The following NRXN1 variants were observed in gnomAD, a reference collection of about 807,000 sequenced individuals.
The protein encoded by NRXN1 is neurexin-1.
In NRXN1, 39 loss-of-function variants were observed where a neutral mutation model predicts 150.9. The observed-to-expected ratio is 0.26, with a 90% CI of 0.20 to 0.34. The LOEUF (loss-of-function observed/expected upper bound fraction) is 0.34, where lower values mean the gene tolerates loss of function less well. Among genes scored for constraint, NRXN1 ranks in the 10% least tolerant of loss-of-function variants. NRXN1 has a pLI of 1.00. For missense variants in NRXN1, 1,815 were observed against 1,949.9 expected (o/e 0.93, Z 1.30); for synonymous variants, 924 against 757.0 (o/e 1.22, Z -3.62).
intron 17 of NRXN1, among the ~76,000 whole-genome samples, chr2:50,280,906 TA>T: frequency 6.6e-6 from 1 of 152,144 alleles, no homozygotes; most frequent in East Asian, 1.9e-4. Context: ...TGGAGATTTG[TA>T]ATTTATTTTG....
At chr2:50,829,516 T>G in intron 5 of NRXN1, 1 of 1,606,250 alleles carries the variant, frequency 6.2e-7, no homozygotes. Flanking sequence ...AACAGCACAG[T>G]GGCAAGTGCG....
intron 5 of NRXN1, among the ~76,000 whole-genome samples, chr2:50,693,688 A>G (rs1282019090): frequency 6.6e-6 from 1 of 152,198 alleles, no homozygotes; most frequent in Non-Finnish European, 1.5e-5. Flanking sequence ...ACTAGGACCT[A>G]ATATCTATAT....
intron 5 of NRXN1, among the ~76,000 whole-genome samples, chr2:50,635,820 T>C (rs562292780): frequency 6.6e-6 from 1 of 152,266 alleles, no homozygotes; most frequent in South Asian, 2.1e-4. Flanking sequence ...TTCGGTCCTG[T>C]AGTAAATGCT....
chr2:50,555,583 C>T (rs369255249), intron 8 of NRXN1, among the ~76,000 whole-genome samples: 15 of 152,134 alleles, frequency 9.9e-5, no homozygotes, highest in East Asian at 1.9e-4. Flanking sequence ...CTCACCACAG[C>T]GCAGCACCAA....
intron 13 of NRXN1, among the ~76,000 whole-genome samples, chr2:50,502,455 C>T (rs1006864472): frequency 3.3e-5 from 5 of 151,720 alleles, no homozygotes; most frequent in South Asian, 2.1e-4. Flanking sequence ...CACACACACA[C>T]GCATACCCAC....
At chr2:50,736,140 T>C (rs923373806) in intron 5 of NRXN1, among the ~76,000 whole-genome samples, 2 of 152,210 alleles carry the variant, frequency 1.3e-5, no homozygotes, top group Admixed American at 1.3e-4. Context: ...TCAGCTACTA[T>C]GGAACTTCAT....
intron 5 of NRXN1, among the ~76,000 whole-genome samples, chr2:50,761,542 C>G (rs919209071): frequency 4.4e-4 from 67 of 152,050 alleles, no homozygotes; most frequent in African/African-American, 1.4e-3. Flanking sequence ...AAGCCTCTTT[C>G]TCTTTATAAA....
At chr2:50,511,023 A>T (rs1055245082) in intron 12 of NRXN1, among the ~76,000 whole-genome samples, 5 of 152,052 alleles carry the variant, frequency 3.3e-5, no homozygotes, top group African/African-American at 1.2e-4. Context: ...TTAAATTAAG[A>T]AGCATAGGTC....
intron 21 of NRXN1, among the ~76,000 whole-genome samples, chr2:49,945,548 CT>C (rs1276233585): frequency 6.6e-6 from 1 of 152,040 alleles, no homozygotes; most frequent in African/African-American, 2.4e-5. Context: ...GACCCCCACC[CT>C]CCAACAGGCC....
intron 17 of NRXN1, among the ~76,000 whole-genome samples, chr2:50,373,380 A>G (rs190604418): frequency 6.7e-6 from 1 of 148,476 alleles, no homozygotes; most frequent in African/African-American, 2.5e-5. Flanking sequence ...GATCAGGATA[A>G]AAATTGTTGT....
chr2:50,724,721 T>A (rs1404853412), intron 5 of NRXN1, among the ~76,000 whole-genome samples: 2 of 152,138 alleles, frequency 1.3e-5, no homozygotes, highest in African/African-American at 4.8e-5. Flanking sequence ...ACATGAACAC[T>A]ATTTTAAAAT....
chr2:50,000,606 G>A (rs937997201), intron 21 of NRXN1, among the ~76,000 whole-genome samples: 5 of 152,136 alleles, frequency 3.3e-5, no homozygotes, highest in Admixed American at 3.3e-4. Flanking sequence ...TTTATATAAA[G>A]TTGCTCTGCA....
intron 5 of NRXN1, among the ~76,000 whole-genome samples, chr2:50,832,201 GA>G (rs1373987827): frequency 2.0e-5 from 3 of 152,088 alleles, no homozygotes; most frequent in South Asian, 2.1e-4. Context: ...GGGCATATAT[GA>G]AAAAAAGTCA....
At chr2:50,961,361 G>A (rs935552985) in intron 2 of NRXN1, among the ~76,000 whole-genome samples, 51 of 151,638 alleles carry the variant, frequency 3.4e-4, no homozygotes, top group African/African-American at 1.2e-3. Flanking sequence ...ATATCACACT[G>A]TAAGAAATAA....
At chr2:50,296,351 C>T (rs2073557076) in intron 17 of NRXN1, among the ~76,000 whole-genome samples, 1 of 152,046 alleles carries the variant, frequency 6.6e-6, no homozygotes, top group Non-Finnish European at 1.5e-5. Context: ...TGAACAACAT[C>T]TTTTTTGTTC....
intron 5 of NRXN1, among the ~76,000 whole-genome samples, chr2:50,867,801 T>C (rs1049075102): frequency 9.9e-5 from 15 of 151,750 alleles, no homozygotes; most frequent in African/African-American, 3.6e-4. Context: ...TTCAAAAGAA[T>C]GGGTAAAGTT....
chr2:50,567,301 T>C (rs1463318101), intron 8 of NRXN1, among the ~76,000 whole-genome samples: 2 of 152,146 alleles, frequency 1.3e-5, no homozygotes, highest in Non-Finnish European at 2.9e-5. Context: ...AGAGTTAGAT[T>C]TGATGATTAC....
Position 49,921,941 on chromosome 2 carries a change from G to T in NRXN1, c.*3C>A, listed in dbSNP as rs200583259. ...ATACAAGTGTCCATTTAAGATCTTG[G>T]GATCAGACATAATACTCTTTATCCT... is the stretch of plus-strand genomic sequence containing the variant. On this transcript the variant is annotated 3_prime_UTR_variant, in exon 23 of 23. Coordinates refer to ENST00000401669, the MANE Select transcript of NRXN1 (RefSeq NM_001330078.2). 3 of 1,613,416 alleles carry T rather than the reference G, an allele frequency of 1.9e-6. No individual in the cohort carries two copies. In the African/African-American group the frequency reaches 4.0e-5, roughly 22 times the overall value.
chr2:51,025,646 C>T (rs1019444231), intron 2 of NRXN1, among the ~76,000 whole-genome samples: 1 of 152,042 alleles, frequency 6.6e-6, no homozygotes, highest in Admixed American at 6.6e-5. Context: ...AAATAATGTT[C>T]ATTTTAAAAT....
Sources: gnomAD v4.1 joint callset for allele counts (sites outside exome capture counted in the v4.1 genomes callset) on GRCh38, gnomAD v4.1.1 for gene constraint, MANE v1.5 for transcripts, NCBI Gene and HGNC (gene_info 2026-07-23, HGNC 2026-07-21) for gene names.